The following PTCHD4 variants were observed in gnomAD, a reference collection of about 807,000 sequenced individuals.
PTCHD4 encodes the protein patched domain-containing protein 4.
A neutral mutation model predicts 58.1 loss-of-function variants in PTCHD4; 33 were observed. The observed-to-expected ratio is 0.57, with a 90% CI of 0.43 to 0.76. The LOEUF is 0.76. Among genes scored for constraint, PTCHD4 ranks in the 30% least tolerant of loss-of-function variants. The pLI is 0.00. For synonymous variants in PTCHD4, 478 were observed against 409.6 expected (o/e 1.17, Z -2.02); for missense variants, 1,058 against 1,027.1 (o/e 1.03, Z -0.41).
At position 47,858,885 on chromosome 6, in the gene PTCHD4, C is replaced by T. The variant is rs1277904266; in HGVS notation, c.*19418G>A. ...CTTGAATCTATGAATTTAAACTACC[C>T]CATTTCTCCTTAATTCTTTCAGCCA... On this transcript the variant is annotated 3_prime_UTR_variant, in exon 5 of 5. Transcript: ENST00000339488. 1.3e-5 allele frequency among the ~76,000 whole-genome samples: 2 copies of T among 152,102 alleles called. No individual in the cohort carries two copies. The highest frequency in any genetic ancestry group is 4.8e-5 in the African/African-American group (2 of 41,534).
chr6:47,982,569 G>A (rs562791025), intron 4 of PTCHD4, among the ~76,000 whole-genome samples: 7 of 148,378 alleles, frequency 4.7e-5, no homozygotes, highest in East Asian at 2.0e-4. Context: ...GCTCACTGCA[G>A]GCTCCGCCTC....
intron 1 of PTCHD4, among the ~76,000 whole-genome samples, chr6:48,081,250 C>T (rs1306552527): frequency 6.6e-6 from 1 of 152,140 alleles, no homozygotes; most frequent in Middle Eastern, 3.2e-3. Context: ...TGGATGTGTA[C>T]ATTAAAAGCG....
Position 47,989,812 on chromosome 6 carries a change from C to A in PTCHD4, c.898+18822G>T, listed in dbSNP as rs370797017. ...CAGATTGGAAATGTGGGGTCGGAGA[C>A]CCCACAGAGAGGCCCCACCGGGGCA... On this transcript the variant is annotated intron_variant, in intron 4 of 4. Coordinates refer to ENST00000339488, the MANE Select transcript of PTCHD4 (RefSeq NM_001384253.1). Among the ~76,000 whole-genome samples the A allele has an allele frequency of 1.1e-3, 171 of 152,230 alleles. 6 individuals carry two copies. The South Asian group carries it at 0.035, about 31-fold the overall frequency.
intron 4 of PTCHD4, among the ~76,000 whole-genome samples, chr6:47,881,085 C>A (rs905980712): frequency 2.6e-5 from 4 of 152,052 alleles, no homozygotes; most frequent in African/African-American, 9.7e-5. Flanking sequence ...GGCTGTTCTC[C>A]AAGGAATCCA....
chr6:48,019,062 G>A (rs556187823), intron 3 of PTCHD4, among the ~76,000 whole-genome samples: 1 of 152,314 alleles, frequency 6.6e-6, no homozygotes, highest in East Asian at 1.9e-4. Context: ...AAATTGGGGA[G>A]GCAAAACTCA....
rs776373315 is a variant in PTCHD4, at chr6:47,871,139, T to C, written c.*7164A>G. On this transcript the variant is annotated 3_prime_UTR_variant, in exon 5 of 5. Transcript: ENST00000339488. The stretch of plus-strand genomic sequence containing the variant: ...TCAACTTTTACTCTCATTTCTACAA[T>C]TTGTCTATGCATGGGTGAAGACTGT... Among the ~76,000 whole-genome samples, 1 of 151,618 alleles carries C rather than the reference T, an allele frequency of 6.6e-6. No individual in the cohort carries two copies. The highest frequency in any genetic ancestry group is 1.5e-5 in the Non-Finnish European group (1 of 67,698).
At chr6:48,107,413 A>G (rs1765754569) in intron 1 of PTCHD4, among the ~76,000 whole-genome samples, 1 of 152,150 alleles carries the variant, frequency 6.6e-6, no homozygotes, top group South Asian at 2.1e-4. Context: ...GAAAGCTGAA[A>G]TGGATCCCTT....
intron 3 of PTCHD4, among the ~76,000 whole-genome samples, chr6:48,058,360 A>C (rs1764490872): frequency 6.6e-6 from 1 of 152,234 alleles, no homozygotes; most frequent in Admixed American, 6.5e-5. Context: ...ACTGCTGTAG[A>C]ATGATTATGG....
intron 1 of PTCHD4, among the ~76,000 whole-genome samples, chr6:48,094,295 T>A (rs1415808262): frequency 6.6e-6 from 1 of 152,114 alleles, no homozygotes; most frequent in Non-Finnish European, 1.5e-5. Flanking sequence ...GAAGAAATAA[T>A]GCGAGGAAAT....
intron 1 of PTCHD4, among the ~76,000 whole-genome samples, chr6:48,086,262 C>T (rs1765261731): frequency 6.6e-6 from 1 of 152,146 alleles, no homozygotes; most frequent in Non-Finnish European, 1.5e-5. Flanking sequence ...CTAACACTTG[C>T]ATTTCATACA....
chr6:48,108,443 G>C (rs898947416), intron 1 of PTCHD4, among the ~76,000 whole-genome samples: 5 of 151,954 alleles, frequency 3.3e-5, no homozygotes, highest in Non-Finnish European at 7.4e-5. Context: ...CACACACCAG[G>C]GACTGTTGTG....
intron 3 of PTCHD4, among the ~76,000 whole-genome samples, chr6:48,049,016 G>T (rs557759097): frequency 6.6e-6 from 1 of 152,072 alleles, no homozygotes; most frequent in South Asian, 2.1e-4. Flanking sequence ...GGATTTAGAT[G>T]AGGTACAAAG....
chr6:47,892,659 G>T (rs567135504), intron 4 of PTCHD4, among the ~76,000 whole-genome samples: 5 of 152,328 alleles, frequency 3.3e-5, no homozygotes, highest in South Asian at 2.1e-4. Context: ...GAAATGGAAG[G>T]ACTCTTACTT....
intron 4 of PTCHD4, among the ~76,000 whole-genome samples, chr6:47,922,471 T>C (rs1278333642): frequency 6.6e-6 from 1 of 152,138 alleles, no homozygotes. Flanking sequence ...TTCGTGGGAA[T>C]TAGAAAGAGG....
chr6:47,899,604 CT>C, intron 4 of PTCHD4: 1 of 979,824 alleles, frequency 1.0e-6, no homozygotes, highest in Non-Finnish European at 1.2e-6. Context: ...AAGTGAACCC[CT>C]TCCGTTTGTT....
At chr6:48,067,229 T>A (rs1195034933) in intron 3 of PTCHD4, among the ~76,000 whole-genome samples, 2 of 152,212 alleles carry the variant, frequency 1.3e-5, no homozygotes, top group Admixed American at 6.5e-5. Flanking sequence ...CAGCTCAATC[T>A]TGACAGTGTA....
At chr6:48,091,869 C>T (rs1208396644) in intron 1 of PTCHD4, among the ~76,000 whole-genome samples, 5 of 151,848 alleles carry the variant, frequency 3.3e-5, no homozygotes, top group East Asian at 1.9e-4. Context: ...AGGCTGGTCT[C>T]GAACTCCTGA....
chr6:47,887,277 CTT>C (rs1218469221), intron 4 of PTCHD4, among the ~76,000 whole-genome samples: 13 of 149,500 alleles, frequency 8.7e-5, no homozygotes, highest in South Asian at 2.1e-4. Flanking sequence ...TTTTATATAA[CTT>C]ATAAAATTTA....
intron 4 of PTCHD4, among the ~76,000 whole-genome samples, chr6:47,993,294 T>C (rs1461822495): frequency 1.3e-5 from 2 of 152,146 alleles, no homozygotes; most frequent in Non-Finnish European, 2.9e-5. Context: ...CCAATGATGA[T>C]GGTAAAAACA....
Sources: gnomAD v4.1 joint callset for allele counts (sites outside exome capture counted in the v4.1 genomes callset) on GRCh38, gnomAD v4.1.1 for gene constraint, MANE v1.5 for transcripts, NCBI Gene and HGNC (gene_info 2026-07-23, HGNC 2026-07-21) for gene names.